Variants in SLC9A9 observed in about 807,000 individuals in gnomAD.
The protein encoded by SLC9A9 is solute carrier family 9 member A9.
SLC9A9 carries 62 observed loss-of-function variants against 77.8 expected under a neutral mutation model. That is an observed-to-expected ratio of 0.80 (90% CI 0.65 to 0.98). The LOEUF (loss-of-function observed/expected upper bound fraction) is 0.98, where lower values mean the gene tolerates loss of function less well. SLC9A9 is among the 50% of genes least tolerant of loss of function. The pLI is 0.00. For synonymous variants in SLC9A9, 320 were observed against 283.5 expected (o/e 1.13, Z -1.29); for missense variants, 775 against 774.9 (o/e 1.00, Z 0.00).
At chr3:143,703,471 G>A (rs953683561) in intron 4 of SLC9A9, among the ~76,000 whole-genome samples, 2 of 151,822 alleles carry the variant, frequency 1.3e-5, no homozygotes, top group African/African-American at 2.4e-5. Flanking sequence ...AATGACAGTG[G>A]GTCAATGAAG....
intron 8 of SLC9A9, among the ~76,000 whole-genome samples, chr3:143,571,118 C>T (rs2037251590): frequency 6.6e-6 from 1 of 152,074 alleles, no homozygotes; most frequent in African/African-American, 2.4e-5. Context: ...TGAGGGCGCA[C>T]TTTGAAAGGT....
chr3:143,621,359 A>AC, intron 6 of SLC9A9, among the ~76,000 whole-genome samples: 1 of 152,056 alleles, frequency 6.6e-6, no homozygotes, highest in South Asian at 2.1e-4. Flanking sequence ...ACTGGGAGGC[A>AC]CCCCCCAGTA....
chr3:143,555,123 G>A (rs2036958019), intron 8 of SLC9A9, among the ~76,000 whole-genome samples: 1 of 152,048 alleles, frequency 6.6e-6, no homozygotes, highest in Admixed American at 6.6e-5. Flanking sequence ...TGAATCATGG[G>A]GGAAGCTTCC....
At chr3:143,284,822 T>G (rs902743606) in intron 14 of SLC9A9, among the ~76,000 whole-genome samples, 3 of 152,168 alleles carry the variant, frequency 2.0e-5, no homozygotes, top group African/African-American at 7.2e-5. Flanking sequence ...AGTCACGTGT[T>G]CAGGGGCTTC....
intron 5 of SLC9A9, among the ~76,000 whole-genome samples, chr3:143,671,476 G>A (rs1308201595): frequency 6.6e-6 from 1 of 152,106 alleles, no homozygotes; most frequent in African/African-American, 2.4e-5. Context: ...TAAGAAATGG[G>A]TCTTCTCTAC....
At chr3:143,499,741 T>G (rs1159469163) in intron 9 of SLC9A9, among the ~76,000 whole-genome samples, 1 of 152,190 alleles carries the variant, frequency 6.6e-6, no homozygotes, top group African/African-American at 2.4e-5. Context: ...TCTATCAAAT[T>G]TATAGAAATT....
intron 11 of SLC9A9, among the ~76,000 whole-genome samples, chr3:143,484,139 T>G (rs2035617803): frequency 1.3e-5 from 2 of 152,202 alleles, no homozygotes; most frequent in South Asian, 4.1e-4. Context: ...GCAGGCCAAC[T>G]AGATTGTGTC....
rs375135790 is a variant in SLC9A9 at position 143,493,675 on chromosome 3, A to G, written c.1293T>C (p.Phe431=). ...TACCTGAAAACATCATCATGTGCTG[A>G]AAGTTCCAGGGGATCTTCTGTTTTC... is the stretch of plus-strand genomic sequence containing the variant. ...LGRKQKIPWN[F]QHMMMFSGLR... is the part of the protein sequence containing the mutation. Residue 431 remains phenylalanine, a synonymous_variant, in exon 11 of 16, where the codon TTT becomes TTC. Transcript: ENST00000316549. 2 of 1,613,896 alleles carry G rather than the reference A, an allele frequency of 1.2e-6. No individual in the cohort carries two copies. The highest frequency in any genetic ancestry group is 8.5e-7 in the Non-Finnish European group (1 of 1,179,872).
intron 2 of SLC9A9, among the ~76,000 whole-genome samples, chr3:143,816,560 T>C (rs1377169958): frequency 1.3e-5 from 2 of 152,224 alleles, no homozygotes; most frequent in African/African-American, 4.8e-5. Context: ...GGGATGAACA[T>C]ATCATGATTT....
rs1351747044 is a variant in SLC9A9, at chr3:143,574,204, T to C, written c.895-11A>G. The C allele has an allele frequency of 2.5e-6, 4 of 1,606,176 alleles. No homozygotes were observed. The highest frequency in any genetic ancestry group is 2.2e-5 in the South Asian group (2 of 90,778). On this transcript the variant is annotated splice_polypyrimidine_tract_variant and intron_variant, in intron 7 of 15. Coordinates refer to ENST00000316549, the MANE Select transcript of SLC9A9 (RefSeq NM_173653.4). Reference sequence around the variant, plus strand: ...GGTAAATTTGGTCAAGTGAGGAAGATAAGTTAAGGGAAACAACAACAGCTT... The same window carrying C: ...GGTAAATTTGGTCAAGTGAGGAAGACAAGTTAAGGGAAACAACAACAGCTT...
chr3:143,395,839 T>G (rs370204189), intron 12 of SLC9A9, among the ~76,000 whole-genome samples: 2 of 152,024 alleles, frequency 1.3e-5, no homozygotes, highest in East Asian at 3.9e-4. Context: ...CCAACAGACA[T>G]ATGAAAAAAT....
intron 9 of SLC9A9, among the ~76,000 whole-genome samples, chr3:143,523,190 C>T (rs1226320559): frequency 6.6e-6 from 1 of 152,040 alleles, no homozygotes; most frequent in African/African-American, 2.4e-5. Flanking sequence ...TAACAAAAGG[C>T]CAGCATTGAA....
intron 6 of SLC9A9, among the ~76,000 whole-genome samples, chr3:143,581,366 A>G (rs1208195872): frequency 6.6e-6 from 1 of 152,196 alleles, no homozygotes; most frequent in Non-Finnish European, 1.5e-5. Context: ...TCACATTTAC[A>G]TAATATTTAG....
chr3:143,823,920 T>C (rs890227045), intron 2 of SLC9A9, among the ~76,000 whole-genome samples: 1 of 152,182 alleles, frequency 6.6e-6, no homozygotes, highest in Admixed American at 6.5e-5. Flanking sequence ...AAATTCTAGT[T>C]TGATATCTGC....
At chr3:143,559,955 G>C (rs2037052648) in intron 8 of SLC9A9, among the ~76,000 whole-genome samples, 1 of 152,148 alleles carries the variant, frequency 6.6e-6, no homozygotes, top group Admixed American at 6.5e-5. Context: ...CTCTCTTACT[G>C]CTGTTTCTTA....
At chr3:143,804,354 C>T (rs1214918201) in intron 2 of SLC9A9, among the ~76,000 whole-genome samples, 5 of 152,124 alleles carry the variant, frequency 3.3e-5, no homozygotes, top group Admixed American at 2.6e-4. Context: ...CCCCTAGCCC[C>T]GTAAATAACA....
intron 12 of SLC9A9, among the ~76,000 whole-genome samples, chr3:143,417,283 T>C (rs1413156802): frequency 1.3e-5 from 2 of 152,086 alleles, no homozygotes; most frequent in African/African-American, 2.4e-5. Context: ...GACTTTGAAA[T>C]GCCCCTACTA....
At chr3:143,626,330 G>A (rs1341524285) in intron 6 of SLC9A9, among the ~76,000 whole-genome samples, 1 of 152,104 alleles carries the variant, frequency 6.6e-6, no homozygotes, top group African/African-American at 2.4e-5. Context: ...TGTTTATTGC[G>A]GCACTATTCA....
At chr3:143,556,333 A>G (rs1340907232) in intron 8 of SLC9A9, among the ~76,000 whole-genome samples, 1 of 152,188 alleles carries the variant, frequency 6.6e-6, no homozygotes, top group East Asian at 1.9e-4. Context: ...AAACCCACGT[A>G]TCTTTACTGG....
Sources: gnomAD v4.1 joint callset for allele counts (sites outside exome capture counted in the v4.1 genomes callset) on GRCh38, gnomAD v4.1.1 for gene constraint, MANE v1.5 for transcripts, NCBI Gene and HGNC (gene_info 2026-07-23, HGNC 2026-07-21) for gene names.